RBFOX1: variants seen among roughly 807,000 people sequenced by gnomAD.
The protein encoded by RBFOX1 is RNA binding protein fox-1 homolog 1.
Under a neutral mutation model 57.7 loss-of-function variants are expected in RBFOX1, and 8 were observed. That is an observed-to-expected ratio of 0.14 (90% confidence interval 0.08 to 0.25). The LOEUF (loss-of-function observed/expected upper bound fraction) is 0.25. Among genes scored for constraint, RBFOX1 ranks in the 10% least tolerant of loss-of-function variants. The pLI, the probability that RBFOX1 is intolerant of heterozygous loss-of-function variation, is 1.00. For synonymous variants in RBFOX1, 326 were observed against 222.4 expected (o/e 1.47, Z -4.15); for missense variants, 611 against 548.5 (o/e 1.11, Z -1.14).
chr16:6,049,503 A>G (rs67223629), intron 1 of RBFOX1, among the ~76,000 whole-genome samples: 24,408 of 152,082 alleles, frequency 0.16, 2,301 homozygotes, highest in East Asian at 0.31. Context: ...AGTCTTAAGC[A>G]AATACCAGAT....
chr16:7,138,050 C>T (rs1333759504), intron 4 of RBFOX1, among the ~76,000 whole-genome samples: 2 of 152,128 alleles, frequency 1.3e-5, no homozygotes, highest in Non-Finnish European at 2.9e-5. Flanking sequence ...GAATTTTAGT[C>T]ACCATCTTAA....
At chr16:6,515,649 A>T (rs17540392) in intron 2 of RBFOX1, among the ~76,000 whole-genome samples, 1 of 151,916 alleles carries the variant, frequency 6.6e-6, no homozygotes, top group African/African-American at 2.4e-5. Context: ...CTTAAGTCTA[A>T]ATAATCTCTT....
intron 3 of RBFOX1, among the ~76,000 whole-genome samples, chr16:6,964,528 G>T (rs2083685208): frequency 6.6e-6 from 1 of 152,152 alleles, no homozygotes; most frequent in Admixed American, 6.5e-5. Flanking sequence ...TTTGTTAAGG[G>T]TGAAGCTATG....
In RBFOX1 at chr16:7,579,773, T is replaced by C; in HGVS notation, c.271-4T>C. On this transcript the variant is annotated splice_region_variant and splice_polypyrimidine_tract_variant and intron_variant, in intron 5 of 15. Coordinates refer to ENST00000550418, the MANE Select transcript of RBFOX1 (RefSeq NM_018723.4). ...ACCTCTTCGGTTTCTTCTTGTTCTT[T>C]TAGCAGACAGATGACGCAGCACCGA... 6.2e-7 allele frequency: 1 copy of C among 1,614,044 alleles called. No individual in the cohort carries two copies. The highest frequency in any genetic ancestry group is 8.5e-7 in the Non-Finnish European group (1 of 1,179,964).
intron 2 of RBFOX1, among the ~76,000 whole-genome samples, chr16:6,528,646 G>T (rs976735659): frequency 3.3e-5 from 5 of 152,168 alleles, no homozygotes; most frequent in African/African-American, 1.2e-4. Flanking sequence ...GTGGGCAGGG[G>T]CTCATCTTGA....
At chr16:6,960,421 C>T (rs935470451) in intron 3 of RBFOX1, among the ~76,000 whole-genome samples, 2 of 152,124 alleles carry the variant, frequency 1.3e-5, no homozygotes, top group African/African-American at 4.8e-5. Flanking sequence ...AGGCCTTCTC[C>T]CTGTACCCGG....
At chr16:5,379,503 C>A (rs1339459077) in intron 1 of RBFOX1, among the ~76,000 whole-genome samples, 1 of 147,182 alleles carries the variant, frequency 6.8e-6, no homozygotes, top group East Asian at 1.9e-4. Flanking sequence ...TTAGTCTAAA[C>A]AAGCACATGC....
At chr16:7,012,745 G>T (rs1301081826) in intron 3 of RBFOX1, among the ~76,000 whole-genome samples, 3 of 152,188 alleles carry the variant, frequency 2.0e-5, no homozygotes, top group Non-Finnish European at 4.4e-5. Context: ...GTGCACACTG[G>T]ATTAGAGGAG....
chr16:7,001,315 C>T (rs1015505393), intron 3 of RBFOX1, among the ~76,000 whole-genome samples: 1 of 151,786 alleles, frequency 6.6e-6, no homozygotes, highest in African/African-American at 2.4e-5. Flanking sequence ...TCCTGGTCAA[C>T]TTATGTATTT....
chr16:5,828,460 G>A (rs2056151065), intron 3 of RBFOX1, among the ~76,000 whole-genome samples: 1 of 152,178 alleles, frequency 6.6e-6, no homozygotes, highest in Non-Finnish European at 1.5e-5. Flanking sequence ...AGCACTTTGG[G>A]AGGCCGAGGT....
chr16:5,615,473 C>T (rs748566505), intron 3 of RBFOX1, among the ~76,000 whole-genome samples: 40 of 152,194 alleles, frequency 2.6e-4, no homozygotes, highest in African/African-American at 2.4e-5. Flanking sequence ...TGAACAGGCA[C>T]CTTATTAGCC....
intron 2 of RBFOX1, among the ~76,000 whole-genome samples, chr16:5,519,157 T>C (rs772181150): frequency 4.6e-5 from 7 of 152,136 alleles, no homozygotes; most frequent in Admixed American, 6.5e-5. Context: ...GAGAAGTAAA[T>C]TTCTGTTGTT....
At chr16:7,593,356 C>G (rs1266880303) in intron 7 of RBFOX1, among the ~76,000 whole-genome samples, 1 of 152,116 alleles carries the variant, frequency 6.6e-6, no homozygotes, top group African/African-American at 2.4e-5. Flanking sequence ...AGAGCAAAAT[C>G]CCCCTAAATT....
At chr16:7,467,756 TC>T (rs1390767676) in intron 4 of RBFOX1, among the ~76,000 whole-genome samples, 2 of 152,210 alleles carry the variant, frequency 1.3e-5, no homozygotes, top group Non-Finnish European at 2.9e-5. Flanking sequence ...ACATGCAACG[TC>T]TTCCCCACTT....
chr16:7,193,850 C>A (rs1294643666), intron 4 of RBFOX1, among the ~76,000 whole-genome samples: 1 of 151,888 alleles, frequency 6.6e-6, no homozygotes, highest in Admixed American at 6.6e-5. Flanking sequence ...AGACATGTCA[C>A]AAGAATGAAA....
intron 4 of RBFOX1, among the ~76,000 whole-genome samples, chr16:7,257,501 C>G (rs1248260875): frequency 6.6e-6 from 1 of 152,182 alleles, no homozygotes; most frequent in Non-Finnish European, 1.5e-5. Flanking sequence ...CCGGGTTTCA[C>G]CTGCTTAATG....
chr16:6,802,979 C>G (rs958312552), intron 3 of RBFOX1, among the ~76,000 whole-genome samples: 3 of 152,084 alleles, frequency 2.0e-5, no homozygotes, highest in African/African-American at 4.8e-5. Flanking sequence ...TTATTTTCTC[C>G]TTTTCTAATC....
At chr16:7,456,808 C>G (rs758370783) in intron 4 of RBFOX1, among the ~76,000 whole-genome samples, 2 of 152,158 alleles carry the variant, frequency 1.3e-5, no homozygotes, top group African/African-American at 2.4e-5. Context: ...GCCTTCTATT[C>G]AAGCCCTGAG....
chr16:5,473,834 G>A (rs1294687318), intron 2 of RBFOX1, among the ~76,000 whole-genome samples: 2 of 150,148 alleles, frequency 1.3e-5, no homozygotes, highest in Non-Finnish European at 3.0e-5. Flanking sequence ...AGATGTAAGG[G>A]TGGGTGGATA....
Sources: gnomAD v4.1 joint callset for allele counts (sites outside exome capture counted in the v4.1 genomes callset) on GRCh38, gnomAD v4.1.1 for gene constraint, MANE v1.5 for transcripts, NCBI Gene and HGNC (gene_info 2026-07-23, HGNC 2026-07-21) for gene names.